Variants in ECT2 observed in about 807,000 individuals in gnomAD.
ECT2 encodes epithelial cell transforming 2, also known as protein ECT2.
In ECT2, 61 loss-of-function variants were observed where a neutral mutation model predicts 116.9. The ratio of observed to expected loss-of-function variants is 0.52; its 90% confidence interval spans 0.42 to 0.65. The LOEUF (loss-of-function observed/expected upper bound fraction) is 0.65, where lower values mean the gene tolerates loss of function less well. ECT2 is among the 30% of genes least tolerant of loss of function. The pLI is 0.00. For missense variants in ECT2, 937 were observed against 1,078.7 expected (o/e 0.87, Z 1.84); for synonymous variants, 358 against 346.4 (o/e 1.03, Z -0.37).
At chr3:172,773,408 G>GT (rs1483595414) in intron 13 of ECT2, among the ~76,000 whole-genome samples, 1 of 151,820 alleles carries the variant, frequency 6.6e-6, no homozygotes, top group Non-Finnish European at 1.5e-5. Context: ...TTAGTTCTTA[G>GT]TTTTTTTCTT....
Position 172,754,587 on chromosome 3 carries a change from T to C in ECT2, c.57T>C (p.Ser19=). 5.6e-6 allele frequency: 9 copies of C among 1,611,902 alleles called. No homozygotes were observed. The highest frequency in any genetic ancestry group is 7.6e-6 in the Non-Finnish European group (9 of 1,178,692). ...STTGRTSLAD[S]SIFDSKVTEI... The stretch of plus-strand genomic sequence containing the variant: ...CTGGGAGGACTAGCTTGGCAGACTC[T>C]TCCATTTTTGATTCTAAAGTTACTG... Residue 19 remains serine, a synonymous_variant, in exon 2 of 25, where the codon TCT becomes TCC. Coordinates refer to ENST00000392692, the MANE Select transcript of ECT2 (RefSeq NM_001258315.2).
intron 14 of ECT2, among the ~76,000 whole-genome samples, chr3:172,780,951 C>A (rs911782735): frequency 1.3e-5 from 2 of 152,034 alleles, no homozygotes; most frequent in Non-Finnish European, 2.9e-5. Flanking sequence ...TCTTGAAATA[C>A]AAAAGTTTTA....
chr3:172,758,413 T>C (rs1233266360), intron 5 of ECT2, among the ~76,000 whole-genome samples: 1 of 152,126 alleles, frequency 6.6e-6, no homozygotes, highest in Admixed American at 6.5e-5. Context: ...AATAATCTTA[T>C]ATAATGATGA....
intron 12 of ECT2, among the ~76,000 whole-genome samples, chr3:172,768,766 C>G (rs1475366404): frequency 6.6e-6 from 1 of 152,086 alleles, no homozygotes; most frequent in African/African-American, 2.4e-5. Flanking sequence ...TTTTAATAAC[C>G]TTGACGTTTT....
chr3:172,798,719 T>C (rs1157175744), intron 18 of ECT2, among the ~76,000 whole-genome samples: 2 of 152,326 alleles, frequency 1.3e-5, no homozygotes, highest in Non-Finnish European at 2.9e-5. Flanking sequence ...CATTTATTTT[T>C]TCTATTTGAT....
In ECT2 at chr3:172,802,112, TTTTTGTTTTTG is replaced by T. The variant is rs546562108; in HGVS notation, c.1908-499_1908-489del. Among the ~76,000 whole-genome samples the T allele has an allele frequency of 4.1e-4, 63 of 152,124 alleles. No homozygotes were observed. The South Asian group carries it at 0.013, about 31-fold the overall frequency. The stretch of plus-strand genomic sequence containing the variant: ...TATGGATGTTTTGTTTTTGTTTTTG[TTTTTGTTTTTG>T]TTTTTTTTGAGATGGAGTTTCACTC... On this transcript the variant is annotated intron_variant, in intron 18 of 24. Coordinates refer to ENST00000392692, the MANE Select transcript of ECT2 (RefSeq NM_001258315.2).
intron 13 of ECT2, among the ~76,000 whole-genome samples, chr3:172,773,362 C>A (rs1721009405): frequency 6.6e-6 from 1 of 152,010 alleles, no homozygotes; most frequent in African/African-American, 2.4e-5. Context: ...TATGCATGCA[C>A]TGACCTTGTG....
chr3:172,796,950 C>T (rs1236270593), intron 18 of ECT2, among the ~76,000 whole-genome samples: 4 of 151,782 alleles, frequency 2.6e-5, no homozygotes, highest in Admixed American at 6.6e-5. Context: ...TGAGCCATCA[C>T]GCCCAGCCTT....
chr3:172,771,942 T>C (rs1720728082), intron 13 of ECT2, among the ~76,000 whole-genome samples: 1 of 152,204 alleles, frequency 6.6e-6, no homozygotes, highest in Non-Finnish European at 1.5e-5. Context: ...AAATAACTGT[T>C]CGTGTTTTTT....
chr3:172,770,816 G>A (rs1031395105), intron 13 of ECT2, among the ~76,000 whole-genome samples: 1 of 151,926 alleles, frequency 6.6e-6, no homozygotes, highest in Non-Finnish European at 1.5e-5. Flanking sequence ...TGTGCTAAGT[G>A]TTAAAGATTT....
At position 172,793,773 on chromosome 3, in the gene ECT2, A is replaced by G. The variant is rs538712831; in HGVS notation, c.1907+7199A>G. The stretch of plus-strand genomic sequence containing the variant: ...GCCACCACACCTGGCCTGGCCAGTC[A>G]TTTTAATTTGTGACATTCTAATAGA... On this transcript the variant is annotated intron_variant, in intron 18 of 24. Transcript: ENST00000392692. Among the ~76,000 whole-genome samples the G allele has an allele frequency of 2.6e-5, 4 of 152,122 alleles. 1 individual carries two copies. The South Asian group carries it at 8.3e-4, about 31-fold the overall frequency.
chr3:172,799,434 C>G (rs542242134), intron 18 of ECT2, among the ~76,000 whole-genome samples: 1 of 152,152 alleles, frequency 6.6e-6, no homozygotes, highest in South Asian at 2.1e-4. Flanking sequence ...CATATGATGA[C>G]ACTCCTACCC....
downstream of ECT2, among the ~76,000 whole-genome samples, chr3:172,823,522 C>T (rs553115560): frequency 6.6e-6 from 1 of 152,220 alleles, no homozygotes; most frequent in African/African-American, 2.4e-5. Flanking sequence ...ATAAAAATGA[C>T]TGCAACCTCC....
chr3:172,753,742 A>T (rs1361163325), intron 1 of ECT2, among the ~76,000 whole-genome samples: 1 of 152,114 alleles, frequency 6.6e-6, no homozygotes, highest in African/African-American at 2.4e-5. Context: ...TAGCTGAGAA[A>T]TTCATTGTTG....
In ECT2 at chr3:172,750,764, A is replaced by G. The variant is rs1715590566; in HGVS notation, c.-116A>G. The G allele has an allele frequency of 6.5e-6, 1 of 152,864 alleles. No homozygotes were observed. 9.5% of individuals were successfully genotyped at this position (152,864 alleles called of 1,614,324 possible). A position where few individuals can be genotyped will look rare whatever the true frequency, so the allele number is the denominator to read the frequency against. On this transcript the variant is annotated 5_prime_UTR_variant, in exon 1 of 25. Coordinates refer to ENST00000392692, the MANE Select transcript of ECT2 (RefSeq NM_001258315.2). The stretch of plus-strand genomic sequence containing the variant: ...CTTAGAGAGAGCAGCTTAGTTTTTG[A>G]ATCGGTTGTGGCGGCCGCCGGCGAG...
At chr3:172,768,056 GTA>G (rs1719854049) in intron 12 of ECT2, among the ~76,000 whole-genome samples, 1 of 152,092 alleles carries the variant, frequency 6.6e-6, no homozygotes, top group Non-Finnish European at 1.5e-5. Flanking sequence ...TTCATGAAAT[GTA>G]TATGAAATAC....
At chr3:172,766,070 G>C (rs1229771043) in intron 12 of ECT2, among the ~76,000 whole-genome samples, 1 of 152,148 alleles carries the variant, frequency 6.6e-6, no homozygotes, top group Non-Finnish European at 1.5e-5. Flanking sequence ...ATCTTTAAGA[G>C]AAAATGAACC....
intron 2 of ECT2, among the ~76,000 whole-genome samples, chr3:172,754,939 A>G (rs1020812998): frequency 6.6e-6 from 1 of 152,082 alleles, no homozygotes; most frequent in Non-Finnish European, 1.5e-5. Flanking sequence ...GCTAGAAGTT[A>G]TACAGTCATG....
At chr3:172,828,550 TATC>T in the ECT2 span, among the ~76,000 whole-genome samples, 1 of 152,062 alleles carries the variant, frequency 6.6e-6, no homozygotes. Context: ...CCGACAGCAT[TATC>T]ATTGTAAAAT....
Sources: allele counts gnomAD v4.1 joint callset (sites outside exome capture counted in the v4.1 genomes callset), GRCh38; gene constraint gnomAD v4.1.1; transcripts MANE v1.5; gene names NCBI Gene and HGNC (gene_info 2026-07-23, HGNC 2026-07-21).